BRD3: variants seen among roughly 807,000 people sequenced by gnomAD.
BRD3 encodes the protein bromodomain containing 3.
Under a neutral mutation model 66.8 loss-of-function variants are expected in BRD3, and 17 were observed. The ratio of observed to expected loss-of-function variants is 0.25; its 90% CI spans 0.17 to 0.38. The LOEUF is 0.38. BRD3 is among the 10% of genes least tolerant of loss of function. The probability of loss-of-function intolerance (pLI) is 1.00; values close to 1 mark genes in which losing one functional copy is unlikely to be tolerated. For missense variants in BRD3, 713 were observed against 956.1 expected, an observed-to-expected ratio of 0.75 and a Z score of 3.35; for synonymous variants, 421 against 393.2, an observed-to-expected ratio of 1.07 and a Z score of -0.84.
At chr9:134,051,845 A>ATATGTG (rs1830303726) in intron 3 of BRD3, 136 bp from the exon 4 acceptor site, 3 of 725,454 alleles carry the variant, frequency 4.1e-6, no homozygotes, top group Non-Finnish European at 4.1e-6. Context: ...CAAAATGAAT[A>ATATGTG]TATGTGTGTG....
chr9:134,037,921 G>A (rs545903235), intron 9 of BRD3, among the ~76,000 whole-genome samples: 1 of 152,228 alleles, frequency 6.6e-6, no homozygotes, highest in East Asian at 1.9e-4. Context: ...CAATCCGAGT[G>A]GAATGGATTA....
In BRD3 at chr9:134,033,638, C is replaced by T. The variant is rs113301770; in HGVS notation, c.2133G>A (p.Gly711=). ...RLSSSSSSES[G]SSSSSGSSSD... Reference sequence around the variant, plus strand: ...AGCTGGACCCGCTGGAGCTGCTGCTCCCAGACTCGGAGGAGCTGCTGCTGC... The same window carrying T: ...AGCTGGACCCGCTGGAGCTGCTGCTTCCAGACTCGGAGGAGCTGCTGCTGC... Residue 711 remains glycine (G), a synonymous_variant, in exon 12 of 12, where the codon GGG becomes GGA. Transcript: ENST00000303407. The surrounding 1 kb of genome is among the most constrained non-coding windows in gnomAD (Gnocchi z 5.1). 7.8e-6 allele frequency: 6 copies of T among 771,524 alleles called. No individual in the cohort carries two copies. Among genetic ancestry groups the T allele is most frequent in the African/African-American group, 1.7e-5 (1 of 59,052 alleles). The allele number at this position is 771,524 out of a possible 1,614,324, so 47.8% of individuals were successfully genotyped here.
chr9:134,057,322 G>A (rs1830445525), intron 1 of BRD3: 2 of 152,256 alleles, frequency 1.3e-5, no homozygotes, highest in East Asian at 3.9e-4. Flanking sequence ...GTGCCCCAGA[G>A]GGTGCACAAG....
rs966701729 is a variant in BRD3, at chr9:134,062,635, G to A, written c.-114+5310C>T. 5.3e-5 allele frequency among the ~76,000 whole-genome samples: 8 copies of A among 152,108 alleles called. No individual in the cohort carries two copies. The South Asian group carries it at 1.0e-3, about 20-fold the overall frequency. Reference sequence around the variant, plus strand: ...CTACCCGCCTCTCTACCCACTCCTCGAATAGAGAGGACTCAAAGGACGCTC... The same window carrying A: ...CTACCCGCCTCTCTACCCACTCCTCAAATAGAGAGGACTCAAAGGACGCTC... On this transcript the variant is annotated intron_variant, in intron 1 of 11. Transcript: ENST00000303407.
At chr9:134,056,934 T>C (rs964694965) in intron 1 of BRD3, 6 of 152,306 alleles carry the variant, frequency 3.9e-5, no homozygotes, top group Non-Finnish European at 5.9e-5. Context: ...GGCCTGGCTC[T>C]GCCACCCTCA....
intron 8 of BRD3, among the ~76,000 whole-genome samples, chr9:134,041,102 G>A (rs1277864802): frequency 2.0e-5 from 3 of 152,328 alleles, no homozygotes; most frequent in Non-Finnish European, 2.9e-5. Flanking sequence ...CAGGGCCATC[G>A]CTGTCCTTGC....
chr9:134,036,534 G>A, intron 9 of BRD3: 1 of 1,608,208 alleles, frequency 6.2e-7, no homozygotes, highest in Non-Finnish European at 8.5e-7. Flanking sequence ...AATTACAGAG[G>A]TTCGTTCCTC....
At chr9:134,049,600 G>A (rs565935879) in intron 5 of BRD3, among the ~76,000 whole-genome samples, 2 of 152,356 alleles carry the variant, frequency 1.3e-5, no homozygotes, top group South Asian at 2.1e-4. Context: ...TGGGGGAGGC[G>A]GCTTGACCAG....
intron 1 of BRD3, among the ~76,000 whole-genome samples, chr9:134,062,188 C>T (rs1246089540): frequency 2.6e-5 from 4 of 152,276 alleles, no homozygotes; most frequent in East Asian, 1.9e-4. Flanking sequence ...CCAGCCCTGG[C>T]GCCTACTCCC....
intron 3 of BRD3, 152 bp from the exon 4 acceptor site, chr9:134,051,861 GTGTGTGTGTGTGTGTGTTGTTT>G (rs1258503699): frequency 1.7e-6 from 1 of 588,168 alleles, no homozygotes; most frequent in African/African-American, 3.1e-5. Context: ...GTGTGTGTGT[GTGTGTGTGTGTGTGTGTTGTTT>G]TTTTTGTTTT....
chr9:134,050,247 G>A, intron 5 of BRD3, 127 bp downstream of exon 5: 5 of 837,092 alleles, frequency 6.0e-6, no homozygotes, highest in Non-Finnish European at 3.7e-6. Context: ...CCAGGGCGCA[G>A]AGAGAAACAC....
intron 8 of BRD3, 118 bp from the exon 9 acceptor site, chr9:134,040,387 G>A (rs1168926287): frequency 5.8e-6 from 7 of 1,215,900 alleles, no homozygotes; most frequent in Non-Finnish European, 6.8e-6. Flanking sequence ...AGCTGGGTGA[G>A]GAGGTGAACC....
At chr9:134,052,752 C>T (rs758954132) in intron 2 of BRD3, among the ~76,000 whole-genome samples, 12 of 152,340 alleles carry the variant, frequency 7.9e-5, no homozygotes, top group Middle Eastern at 3.4e-3. Flanking sequence ...TGCAGGTGAC[C>T]AGGGCCCAGC....
chr9:134,042,008 G>A (rs1830060167), intron 7 of BRD3, 57 bp from the exon 8 acceptor site: 1 of 1,479,266 alleles, frequency 6.8e-7, no homozygotes, highest in Non-Finnish European at 9.0e-7. Flanking sequence ...CTGCCCCTTG[G>A]TGTGGGCCCT....
intron 8 of BRD3, 141 bp downstream of exon 8, chr9:134,041,619 G>A (rs1830048168): frequency 8.7e-7 from 1 of 1,146,978 alleles, no homozygotes; most frequent in Non-Finnish European, 1.2e-6. Flanking sequence ...GGCACTCCGA[G>A]TGTCTTTACG....
At chr9:134,046,288 G>A (rs1000610769) in intron 6 of BRD3, among the ~76,000 whole-genome samples, 1 of 152,234 alleles carries the variant, frequency 6.6e-6, no homozygotes, top group Non-Finnish European at 1.5e-5. Flanking sequence ...GGGGCAAAGA[G>A]AGGTCACGCT....
At chr9:134,051,813 G>A in intron 3 of BRD3, 104 bp from the exon 4 acceptor site, 4 of 1,288,718 alleles carry the variant, frequency 3.1e-6, no homozygotes, top group East Asian at 5.5e-5. Context: ...TTTGTTAACA[G>A]ATTTGGCAGC....
intron 9 of BRD3, 23 bp downstream of exon 9, chr9:134,040,011 G>A: frequency 6.4e-7 from 1 of 1,571,574 alleles, no homozygotes; most frequent in South Asian, 1.2e-5. Flanking sequence ...GGCTCTTGGA[G>A]CCCGAGCAGG....
chr9:134,042,062 C>T (rs1432056415), intron 7 of BRD3, 111 bp from the exon 8 acceptor site: 30 of 1,249,328 alleles, frequency 2.4e-5, no homozygotes, highest in Admixed American at 6.4e-5. Flanking sequence ...ACAGCTGTTA[C>T]GAAGGTGGGG....
Sources: allele counts gnomAD v4.1 joint callset (sites outside exome capture counted in the v4.1 genomes callset), GRCh38; gene constraint gnomAD v4.1.1; non-coding constraint Gnocchi (gnomAD v3.1); transcripts MANE v1.5; gene names NCBI Gene and HGNC (gene_info 2026-07-23, HGNC 2026-07-21).